Variants in MTUS2 observed in about 807,000 individuals in gnomAD.
MTUS2 encodes microtubule-associated tumor suppressor candidate 2.
In MTUS2, 40 loss-of-function variants were observed where a neutral mutation model predicts 114.1. The ratio of observed to expected loss-of-function variants is 0.35; its 90% CI spans 0.27 to 0.46. The LOEUF (loss-of-function observed/expected upper bound fraction) is 0.46, where lower values mean the gene tolerates loss of function less well. Among genes scored for constraint, MTUS2 ranks in the 20% least tolerant of loss-of-function variants. MTUS2 has a pLI of 1.00. For missense variants in MTUS2, 1,679 were observed against 1,705.4 expected, an observed-to-expected ratio of 0.98 and a Z score of 0.27; for synonymous variants, 688 against 672.0, an observed-to-expected ratio of 1.02 and a Z score of -0.37.
At chr13:29,365,076 CA>C (rs1870589704) in intron 8 of MTUS2, among the ~76,000 whole-genome samples, 1 of 152,158 alleles carries the variant, frequency 6.6e-6, no homozygotes, top group Admixed American at 6.5e-5. Flanking sequence ...TTATGTGTCA[CA>C]AAAATAAGTG....
chr13:29,018,089 C>T (rs894267083), intron 2 of MTUS2, among the ~76,000 whole-genome samples: 2 of 152,092 alleles, frequency 1.3e-5, no homozygotes, highest in Non-Finnish European at 2.9e-5. Flanking sequence ...AGAGAATTTA[C>T]GAAAGGTTTC....
At chr13:29,204,420 G>A (rs1436042906) in intron 5 of MTUS2, among the ~76,000 whole-genome samples, 2 of 152,184 alleles carry the variant, frequency 1.3e-5, no homozygotes, top group South Asian at 2.1e-4. Flanking sequence ...GGTGAGCCTC[G>A]GAAAAGTCCC....
At chr13:29,421,703 C>T (rs1257422682) in intron 8 of MTUS2, among the ~76,000 whole-genome samples, 1 of 152,136 alleles carries the variant, frequency 6.6e-6, no homozygotes, top group Non-Finnish European at 1.5e-5. Flanking sequence ...TGATATCAGG[C>T]AGGAAATCCT....
At chr13:29,128,504 C>T (rs1395292786) in intron 5 of MTUS2, among the ~76,000 whole-genome samples, 3 of 152,080 alleles carry the variant, frequency 2.0e-5, no homozygotes, top group African/African-American at 4.8e-5. Context: ...AGTGCATATA[C>T]ATTAAATGTC....
At chr13:29,187,745 C>T (rs1894284476) in intron 5 of MTUS2, among the ~76,000 whole-genome samples, 1 of 152,120 alleles carries the variant, frequency 6.6e-6, no homozygotes, top group Non-Finnish European at 1.5e-5. Flanking sequence ...TGATTTCAGC[C>T]AAGCCTGCTT....
rs184630979 is a variant in MTUS2 at position 29,174,936 on chromosome 13, G to A, written c.2644+73966G>A. Among the ~76,000 whole-genome samples, 12 of 152,246 alleles carry A rather than the reference G, an allele frequency of 7.9e-5. No homozygotes were observed. In the East Asian group the frequency reaches 1.2e-3, roughly 15 times the overall value. On this transcript the variant is annotated intron_variant, in intron 5 of 15. Transcript: ENST00000612955. ...TCCAGTCTAGAAATTGAAGCAGTTCGCTATTCCTTCACTGACAACCATTCA... is the reference window on the plus strand; with the variant it reads ...TCCAGTCTAGAAATTGAAGCAGTTCACTATTCCTTCACTGACAACCATTCA...
At chr13:29,268,483 G>A (rs1052854449) in intron 5 of MTUS2, among the ~76,000 whole-genome samples, 9 of 152,060 alleles carry the variant, frequency 5.9e-5, no homozygotes, top group African/African-American at 2.2e-4. Context: ...TCACCATTCA[G>A]ATCAAATGCT....
chr13:29,458,897 C>T (rs1879294192), intron 9 of MTUS2, among the ~76,000 whole-genome samples: 1 of 152,216 alleles, frequency 6.6e-6, no homozygotes, highest in Non-Finnish European at 1.5e-5. Context: ...AGTTGAGAGG[C>T]CTATGGGTGG....
chr13:29,370,533 C>T (rs1446009996), intron 8 of MTUS2, among the ~76,000 whole-genome samples: 2 of 152,162 alleles, frequency 1.3e-5, no homozygotes, highest in East Asian at 1.9e-4. Flanking sequence ...TGGCATTATC[C>T]TGGAGTGGAC....
At chr13:28,866,964 T>C (rs1877336070) in intron 2 of MTUS2, among the ~76,000 whole-genome samples, 1 of 152,226 alleles carries the variant, frequency 6.6e-6, no homozygotes, top group Admixed American at 6.5e-5. Flanking sequence ...TAAATCACAA[T>C]GCAACATCTT....
At chr13:29,278,309 T>C (rs1898141674) in intron 5 of MTUS2, among the ~76,000 whole-genome samples, 1 of 152,164 alleles carries the variant, frequency 6.6e-6, no homozygotes, top group Non-Finnish European at 1.5e-5. Flanking sequence ...GAGAAAGTTC[T>C]CAATAAAGGC....
intron 2 of MTUS2, 43 bp from the exon 3 acceptor site, chr13:29,024,414 C>T: frequency 2.8e-6 from 1 of 353,890 alleles, no homozygotes; most frequent in Non-Finnish European, 5.0e-6. Context: ...CTGAGAAGTT[C>T]TATTTGTCAA....
At chr13:29,069,086 A>C (rs1398678149) in intron 4 of MTUS2, among the ~76,000 whole-genome samples, 1 of 152,192 alleles carries the variant, frequency 6.6e-6, no homozygotes, top group Non-Finnish European at 1.5e-5. Context: ...GGAGAGAAGT[A>C]GATGGGTTTA....
rs200101021 is a variant in MTUS2, at chr13:29,026,493, A to C, written c.1795A>C (p.Lys599Gln). The change falls in exon 3 of 16, where the codon AAG becomes CAG. Residue 599 changes from lysine (K) to glutamine (Q), a missense_variant. This residue lies in a region of MTUS2 where 843 missense variants were observed against 770.8 expected (regional missense o/e 1.09). Transcript: ENST00000612955. ...DKNTCPSGIP[K>Q]PVFTHSKDTP... ...GAACACTTGCCCCAGTGGGATCCCCAAGCCTGTCTTCACACATTCCAAGGA... is the reference window on the plus strand; with the variant it reads ...GAACACTTGCCCCAGTGGGATCCCCCAGCCTGTCTTCACACATTCCAAGGA... 23 of 1,613,890 alleles carry C rather than the reference A, an allele frequency of 1.4e-5. No individual in the cohort carries two copies. The highest frequency in any genetic ancestry group is 1.6e-4 in the Middle Eastern group (1 of 6,084).
intron 2 of MTUS2, among the ~76,000 whole-genome samples, chr13:28,935,079 C>CTTGTG (rs1881831768): frequency 7.5e-6 from 1 of 134,210 alleles, no homozygotes; most frequent in South Asian, 2.5e-4. Context: ...ATCAGGTGCA[C>CTTGTG]TTGTGTGTCT....
chr13:29,046,728 C>A lies in MTUS2; in HGVS notation c.2446+12603C>A, dbSNP rs146568699. 4.7e-3 allele frequency among the ~76,000 whole-genome samples: 334 copies of A among 71,166 alleles called. 10 individuals carry two copies. The highest frequency in any genetic ancestry group is 9.4e-3 in the East Asian group (25 of 2,650). 46.7% of individuals were successfully genotyped at this position (71,166 alleles called of 152,430 possible). Reference sequence around the variant, plus strand: ...TTTGATTCATAGTACCCCTCCCCCACCTCCTTTTGTCCTTTTTCCCTTTTT... The same window carrying A: ...TTTGATTCATAGTACCCCTCCCCCAACTCCTTTTGTCCTTTTTCCCTTTTT... On this transcript the variant is annotated intron_variant, in intron 4 of 15. Coordinates refer to ENST00000612955, the MANE Select transcript of MTUS2 (RefSeq NM_001033602.4).
At chr13:29,461,669 G>T (rs1879508635) in intron 9 of MTUS2, among the ~76,000 whole-genome samples, 1 of 146,744 alleles carries the variant, frequency 6.8e-6, no homozygotes, top group African/African-American at 2.7e-5. Flanking sequence ...ATATCAGGCA[G>T]AGTACTATCA....
chr13:29,422,648 C>CTTTTTTTTTTTTTTTTT (rs11342823), intron 8 of MTUS2, among the ~76,000 whole-genome samples: 1 of 67,978 alleles, frequency 1.5e-5, no homozygotes, highest in Non-Finnish European at 2.6e-5. Flanking sequence ...GATTTCTTTT[C>CTTTTTTTTTTTTTTTTT]TTTTTTTTTT....
At chr13:28,925,891 G>T (rs1881302366) in intron 2 of MTUS2, among the ~76,000 whole-genome samples, 1 of 152,198 alleles carries the variant, frequency 6.6e-6, no homozygotes, top group African/African-American at 2.4e-5. Context: ...AAGTAGATAT[G>T]ACTATGGGAA....
Sources: allele counts gnomAD v4.1 joint callset (sites outside exome capture counted in the v4.1 genomes callset), GRCh38; gene constraint gnomAD v4.1.1; regional missense constraint gnomAD v4.1.1; transcripts MANE v1.5; gene names NCBI Gene and HGNC (gene_info 2026-07-23, HGNC 2026-07-21).